FERMT2: variants seen among roughly 807,000 people sequenced by gnomAD.
The protein encoded by FERMT2 is FERM domain containing kindlin 2.
In FERMT2, 15 loss-of-function variants were observed where a neutral mutation model predicts 82.7. The ratio of observed to expected loss-of-function variants is 0.18; its 90% confidence interval spans 0.12 to 0.28. The LOEUF (loss-of-function observed/expected upper bound fraction) is 0.28, where lower values mean the gene tolerates loss of function less well. FERMT2 is among the 10% of genes least tolerant of loss of function. FERMT2 has a pLI of 1.00. For missense variants in FERMT2, 645 were observed against 809.4 expected, an observed-to-expected ratio of 0.80 and a Z score of 2.46; for synonymous variants, 274 against 271.5, an observed-to-expected ratio of 1.01 and a Z score of -0.09.
chr14:52,883,822 T>C (rs540442921), intron 4 of FERMT2, among the ~76,000 whole-genome samples: 2 of 152,244 alleles, frequency 1.3e-5, no homozygotes, highest in East Asian at 3.9e-4. Flanking sequence ...GAGATCTGGT[T>C]GTTTAAAGTG....
rs8016328 is a variant in FERMT2 at position 52,873,781 on chromosome 14, C to T, written c.1148+396G>A. On this transcript the variant is annotated intron_variant, in intron 9 of 14. Coordinates refer to ENST00000341590, the MANE Select transcript of FERMT2 (RefSeq NM_006832.3). ...TACTAGAACTTTACATAAAATGTTCCATGAACAAATGAACAGAGTTCAATA... is the reference window on the plus strand; with the variant it reads ...TACTAGAACTTTACATAAAATGTTCTATGAACAAATGAACAGAGTTCAATA... 1,124 of 158,926 alleles carry T rather than the reference C, an allele frequency of 7.1e-3. 7 individuals carry two copies. The highest frequency in any genetic ancestry group is 0.025 in the African/African-American group (1,029 of 41,866). The allele number at this position is 158,926 out of a possible 1,614,324, so 9.8% of individuals were successfully genotyped here.
At chr14:52,911,877 C>T (rs562984656) in intron 3 of FERMT2, among the ~76,000 whole-genome samples, 3 of 152,154 alleles carry the variant, frequency 2.0e-5, no homozygotes, top group African/African-American at 7.2e-5. Flanking sequence ...TTCTTATTTA[C>T]TTTTGTAGCC....
Position 52,864,584 on chromosome 14 carries a change from T to G in FERMT2, c.1419A>C (p.Leu473Phe). 6.2e-7 allele frequency: 1 copy of G among 1,614,202 alleles called. No homozygotes were observed. The highest frequency in any genetic ancestry group is 8.5e-7 in the Non-Finnish European group (1 of 1,180,022). ...QYAHWMAACR[L>F]ASKGKTMADS... ...CCGCCATGGTCTTGCCTTTGGAGGC[T>G]AATCTGCAGGCTGCCATCCAGTGTG... Residue 473 changes from leucine (L) to phenylalanine (F), a missense_variant, in exon 12 of 15, where the codon TTA becomes TTC. Transcript: ENST00000341590.
rs1187223577 is a variant in FERMT2 at position 52,881,302 on chromosome 14, T to C, written c.694A>G (p.Ile232Val). ...AVSQPITSPEILAKMFKPQAL... is the reference protein window; with the variant it reads ...AVSQPITSPEVLAKMFKPQAL... ...TGAGGCTTGAACATTTTTGCCAAGATTTCTGGTGACGTGATTGGTTGACTG... is the reference window on the plus strand; with the variant it reads ...TGAGGCTTGAACATTTTTGCCAAGACTTCTGGTGACGTGATTGGTTGACTG... Residue 232 changes from isoleucine (I) to valine (V), a missense_variant, in exon 5 of 15, where the codon ATC (isoleucine) becomes GTC (valine). Coordinates refer to ENST00000341590, the MANE Select transcript of FERMT2 (RefSeq NM_006832.3). The C allele has an allele frequency of 1.2e-6, 2 of 1,614,112 alleles. No individual in the cohort carries two copies. Among genetic ancestry groups the C allele is most frequent in the Non-Finnish European group, 1.7e-6 (2 of 1,180,026 alleles).
intron 3 of FERMT2, among the ~76,000 whole-genome samples, chr14:52,917,271 CGTGTGTGT>C (rs150322009): frequency 3.4e-5 from 5 of 147,544 alleles, no homozygotes; most frequent in Non-Finnish European, 7.5e-5. Context: ...CACAGAGATA[CGTGTGTGT>C]GTGTGTGTGT....
chr14:52,911,878 T>TTTTGTG (rs1299788599), intron 3 of FERMT2, among the ~76,000 whole-genome samples: 1 of 152,206 alleles, frequency 6.6e-6, no homozygotes, highest in Non-Finnish European at 1.5e-5. Flanking sequence ...TCTTATTTAC[T>TTTTGTG]TTTGTAGCCA....
intron 7 of FERMT2, 111 bp from the exon 8 acceptor site, chr14:52,875,468 A>G (rs1885894269): frequency 1.4e-6 from 1 of 719,260 alleles, no homozygotes; most frequent in Non-Finnish European, 2.2e-6. Context: ...TTGAAAAGAC[A>G]GAAGCGTCTA....
chr14:52,937,439 T>G lies in FERMT2; in HGVS notation c.157+12973A>C, dbSNP rs1889895013. Among the ~76,000 whole-genome samples the G allele has an allele frequency of 1.3e-5, 2 of 152,182 alleles. 1 individual carries two copies. Among genetic ancestry groups the G allele is most frequent in the South Asian group, 4.1e-4 (2 of 4,836 alleles). On this transcript the variant is annotated intron_variant, in intron 2 of 14. Coordinates refer to ENST00000341590, the MANE Select transcript of FERMT2 (RefSeq NM_006832.3). ...ACCATGAACACTGCAATCCCCAACC[T>G]GGAATGCCTTTCTTCCTAACTTTCC...
intron 3 of FERMT2, among the ~76,000 whole-genome samples, chr14:52,909,233 GGCAGTCAAAAAGTTTCGAATTTTGGA>G (rs1293070239): frequency 2.6e-5 from 4 of 152,102 alleles, no homozygotes; most frequent in Admixed American, 2.6e-4. Flanking sequence ...ATGTCACATT[GGCAGTCAAAAAGTTTCGAATTTTGGA>G]GCACTTCAAA....
rs1884682529 is a variant in FERMT2, at chr14:52,858,166, A to C, written c.*211T>G. ...AGTTTTCAATTCATGGCCCTAAGGA[A>C]TGTGTGACAAATTCAAGTTTATTAT... On this transcript the variant is annotated 3_prime_UTR_variant, in exon 15 of 15. Coordinates refer to ENST00000341590, the MANE Select transcript of FERMT2 (RefSeq NM_006832.3). 2.0e-6 allele frequency: 1 copy of C among 508,232 alleles called. No individual in the cohort carries two copies. Among genetic ancestry groups the C allele is most frequent in the Non-Finnish European group, 3.5e-6 (1 of 284,040 alleles). 31.5% of individuals were successfully genotyped at this position (508,232 alleles called of 1,614,324 possible). A position where few individuals can be genotyped will look rare whatever the true frequency, so the allele number is the denominator to read the frequency against.
intron 10 of FERMT2, 125 bp from the exon 11 acceptor site, chr14:52,864,978 A>G (rs536334768): frequency 1.6e-6 from 1 of 643,834 alleles, no homozygotes; most frequent in African/African-American, 1.8e-5. Flanking sequence ...TTATGAAGGC[A>G]TCTGCTGCAG....
chr14:52,879,893 T>A (rs1886189717), intron 6 of FERMT2, among the ~76,000 whole-genome samples: 1 of 152,178 alleles, frequency 6.6e-6, no homozygotes, highest in Admixed American at 6.5e-5. Context: ...AGTACTATGG[T>A]AGCAGAGATA....
intron 3 of FERMT2, among the ~76,000 whole-genome samples, chr14:52,909,724 G>C (rs978253130): frequency 1.3e-5 from 2 of 152,096 alleles, no homozygotes; most frequent in African/African-American, 4.8e-5. Flanking sequence ...GGAGGTGGAG[G>C]CTGCAGTACA....
Position 52,937,999 on chromosome 14 carries a change from C to T in FERMT2, c.157+12413G>A, listed in dbSNP as rs58669499. 9.2e-3 allele frequency among the ~76,000 whole-genome samples: 1,403 copies of T among 152,292 alleles called. 21 individuals carry two copies. The highest frequency in any genetic ancestry group is 0.032 in the African/African-American group (1,319 of 41,536). On this transcript the variant is annotated intron_variant, in intron 2 of 14. Coordinates refer to ENST00000341590, the MANE Select transcript of FERMT2 (RefSeq NM_006832.3). ...CTTTACACATGTGTCTGCATTTAAT[C>T]CTTACGACAACCCTAAGTGGTAAGA...
chr14:52,871,853 A>G (rs1396228337), intron 10 of FERMT2: 1 of 152,376 alleles, frequency 6.6e-6, no homozygotes, highest in East Asian at 1.9e-4. Context: ...ATTTGAAAAG[A>G]CAGGACAAGA....
intron 3 of FERMT2, among the ~76,000 whole-genome samples, chr14:52,901,858 C>A (rs950466149): frequency 3.9e-5 from 6 of 152,218 alleles, no homozygotes; most frequent in African/African-American, 1.4e-4. Flanking sequence ...ACACCTTTAA[C>A]CTACAGTGAC....
At chr14:52,864,369 G>A in intron 12 of FERMT2, 32 bp downstream of exon 12, 2 of 1,507,588 alleles carry the variant, frequency 1.3e-6, no homozygotes, top group Non-Finnish European at 1.8e-6. Context: ...AAACAAACCA[G>A]CACAGTAGAT....
intron 2 of FERMT2, among the ~76,000 whole-genome samples, chr14:52,933,658 C>T (rs959370277): frequency 5.9e-5 from 8 of 134,904 alleles, no homozygotes; most frequent in African/African-American, 1.1e-4. Flanking sequence ...TGTGGTGAGC[C>T]GAGATCACGC....
chr14:52,925,732 G>C (rs1166853472), intron 2 of FERMT2, among the ~76,000 whole-genome samples: 2 of 151,960 alleles, frequency 1.3e-5, no homozygotes, highest in Non-Finnish European at 2.9e-5. Context: ...TCCACTTCCC[G>C]GGTTCAAGTG....
Sources: gnomAD v4.1 joint callset for allele counts (sites outside exome capture counted in the v4.1 genomes callset) on GRCh38, gnomAD v4.1.1 for gene constraint, MANE v1.5 for transcripts, NCBI Gene and HGNC (gene_info 2026-07-23, HGNC 2026-07-21) for gene names.